The following CIMIP7 variants were observed in gnomAD, a reference collection of about 807,000 sequenced individuals.
CIMIP7 encodes ciliary microtubule inner protein 7, also known as uncharacterized protein C3orf84.
At chr3:49,178,198 G>A in the CIMIP7 span, 1 of 775,404 alleles carries the variant, frequency 1.3e-6, no homozygotes, top group Non-Finnish European at 2.0e-6. Context: ...TGCCTCCCCA[G>A]TGATGTCTTT....
the CIMIP7 span, among the ~76,000 whole-genome samples, chr3:49,180,014 T>A: frequency 2.0e-5 from 3 of 152,180 alleles, no homozygotes; most frequent in Admixed American, 2.0e-4. Context: ...GGCTCATGCC[T>A]GTAATCCCAG....
chr3:49,182,245 T>A, the CIMIP7 span, among the ~76,000 whole-genome samples: 1 of 152,294 alleles, frequency 6.6e-6, no homozygotes, highest in South Asian at 2.1e-4. Context: ...GCTTTTATGC[T>A]CTTATCTGGC....
At chr3:49,178,476 A>G in the CIMIP7 span, 1 of 1,613,100 alleles carries the variant, frequency 6.2e-7, no homozygotes, top group Non-Finnish European at 8.5e-7. Context: ...TGTCTTCGGC[A>G]CTCACTTTGT....
chr3:49,179,312 C>T, the CIMIP7 span, among the ~76,000 whole-genome samples: 1 of 152,222 alleles, frequency 6.6e-6, no homozygotes, highest in Non-Finnish European at 1.5e-5. Flanking sequence ...GCAAGAGCTT[C>T]CTGCCTGGTG....
the CIMIP7 span, among the ~76,000 whole-genome samples, chr3:49,178,293 A>G: frequency 6.6e-6 from 1 of 152,202 alleles, no homozygotes; most frequent in Non-Finnish European, 1.5e-5. Context: ...AAACCAACAT[A>G]GAGATGTCTC....
chr3:49,180,491 A>T, the CIMIP7 span, among the ~76,000 whole-genome samples: 1 of 152,166 alleles, frequency 6.6e-6, no homozygotes, highest in African/African-American at 2.4e-5. Flanking sequence ...TGTAGACCTG[A>T]AGTGGCCAGA....
chr3:49,191,299 C>T, the CIMIP7 span, among the ~76,000 whole-genome samples: 1 of 152,226 alleles, frequency 6.6e-6, no homozygotes, highest in Non-Finnish European at 1.5e-5. Flanking sequence ...CCTTCTCTGT[C>T]AGGAACCCCT....
the CIMIP7 span, among the ~76,000 whole-genome samples, chr3:49,183,132 G>T: frequency 6.6e-6 from 1 of 152,198 alleles, no homozygotes; most frequent in African/African-American, 2.4e-5. Flanking sequence ...AGGAGGTGCC[G>T]AGAGCAAGCA....
chr3:49,177,914 C>G, the CIMIP7 span: 1 of 1,613,908 alleles, frequency 6.2e-7, no homozygotes, highest in Non-Finnish European at 8.5e-7. Context: ...GGCCTGAAAT[C>G]AGCCTGGTAA....
the CIMIP7 span, chr3:49,190,286 A>G: frequency 5.0e-6 from 3 of 599,400 alleles, no homozygotes; most frequent in Non-Finnish European, 8.8e-6. Flanking sequence ...CTAAGGAGTT[A>G]GGACACTCCT....
chr3:49,178,473 G>A, the CIMIP7 span: 593 of 1,612,772 alleles, frequency 3.7e-4, 1 homozygote, highest in East Asian at 9.1e-3. Flanking sequence ...TCCTGTCTTC[G>A]GCACTCACTT....
At chr3:49,190,557 A>T in the CIMIP7 span, among the ~76,000 whole-genome samples, 1 of 149,622 alleles carries the variant, frequency 6.7e-6, no homozygotes, top group African/African-American at 2.5e-5. Context: ...GTACAGTGGC[A>T]CAACCTCAGC....
the CIMIP7 span, chr3:49,177,938 G>C: frequency 6.2e-7 from 1 of 1,613,776 alleles, no homozygotes; most frequent in Non-Finnish European, 8.5e-7. Context: ...GATTCCAGGG[G>C]CCCCTGCTGG....
chr3:49,178,332 G>A, the CIMIP7 span: 3 of 745,478 alleles, frequency 4.0e-6, no homozygotes, highest in Admixed American at 2.6e-5. Flanking sequence ...GTTTCCCAGA[G>A]GAGAAAGTTT....
At chr3:49,190,643 C>T in the CIMIP7 span, among the ~76,000 whole-genome samples, 18 of 151,014 alleles carry the variant, frequency 1.2e-4, no homozygotes, top group Admixed American at 9.9e-4. Flanking sequence ...CTACAGGCGC[C>T]CACTATCATG....
the CIMIP7 span, among the ~76,000 whole-genome samples, chr3:49,181,630 G>A: frequency 6.6e-6 from 1 of 152,174 alleles, no homozygotes; most frequent in African/African-American, 2.4e-5. Context: ...TGCGAACCAA[G>A]CTACAGACTG....
the CIMIP7 span, chr3:49,177,756 C>G: frequency 6.2e-7 from 1 of 1,609,096 alleles, no homozygotes; most frequent in Non-Finnish European, 8.5e-7. Context: ...CGTCAGTGAC[C>G]GGCGCCTGGG....
chr3:49,182,058 T>C, the CIMIP7 span, among the ~76,000 whole-genome samples: 1 of 152,178 alleles, frequency 6.6e-6, no homozygotes, highest in Non-Finnish European at 1.5e-5. Flanking sequence ...GGGTTCGTGG[T>C]CTCACTGGCT....
the CIMIP7 span, among the ~76,000 whole-genome samples, chr3:49,178,791 A>G: frequency 1.3e-5 from 2 of 152,154 alleles, no homozygotes; most frequent in African/African-American, 4.8e-5. Flanking sequence ...CTCAATAAGG[A>G]GGCATCTGCT....
Sources: gnomAD v4.1 joint callset for allele counts (sites outside exome capture counted in the v4.1 genomes callset) on GRCh38, gnomAD v4.1.1 for gene constraint, MANE v1.5 for transcripts, NCBI Gene and HGNC (gene_info 2026-07-23, HGNC 2026-07-21) for gene names.